SLC35F1: variants seen among roughly 807,000 people sequenced by gnomAD.
The protein encoded by SLC35F1 is solute carrier family 35 member F1.
In SLC35F1, 14 loss-of-function variants were observed where a neutral mutation model predicts 48.7. The ratio of observed to expected loss-of-function variants is 0.29; its 90% CI spans 0.19 to 0.45. SLC35F1 has a LOEUF of 0.45. Ranked by LOEUF, SLC35F1 falls within the 20% of genes least tolerant of loss-of-function variation. The pLI, the probability that SLC35F1 is intolerant of heterozygous loss-of-function variation, is 1.00. For missense variants in SLC35F1, 404 were observed against 500.0 expected (o/e 0.81, Z 1.83); for synonymous variants, 190 against 202.2 (o/e 0.94, Z 0.51).
chr6:118,079,768 T>C lies in SLC35F1; in HGVS notation c.174-74677T>C, dbSNP rs78444155. Among the ~76,000 whole-genome samples, 457 of 152,282 alleles carry C rather than the reference T, an allele frequency of 3.0e-3. 14 individuals are homozygous for C. The East Asian group carries it at 0.068, about 23-fold the overall frequency. ...TGGACAAATGAAAAACTTCCCCTGTTCTGTTATTCCCCCTAACCTCTCTGG... is the reference window on the plus strand; with the variant it reads ...TGGACAAATGAAAAACTTCCCCTGTCCTGTTATTCCCCCTAACCTCTCTGG... On this transcript the variant is annotated intron_variant, in intron 1 of 7. Coordinates refer to ENST00000360388, the MANE Select transcript of SLC35F1 (RefSeq NM_001029858.4).
chr6:118,089,957 G>A (rs1364783096), intron 1 of SLC35F1, among the ~76,000 whole-genome samples: 1 of 152,134 alleles, frequency 6.6e-6, no homozygotes, highest in African/African-American at 2.4e-5. Flanking sequence ...AACAGCAGCT[G>A]GTAATGTCTT....
At chr6:118,140,732 G>C (rs112911697) in intron 1 of SLC35F1, among the ~76,000 whole-genome samples, 2,909 of 152,032 alleles carry the variant, frequency 0.019, 90 homozygotes, top group African/African-American at 0.062. Flanking sequence ...CCTTCCAGTG[G>C]GACAAGATGT....
chr6:118,257,236 A>G (rs1457299366), intron 3 of SLC35F1, among the ~76,000 whole-genome samples: 1 of 152,074 alleles, frequency 6.6e-6, no homozygotes, highest in African/African-American at 2.4e-5. Flanking sequence ...GGAAATAGCT[A>G]AAGTTAATAT....
chr6:118,314,340 C>T lies in SLC35F1; in HGVS notation c.*88C>T. ...TATTGTACATAGAGAAAGGTATTTA[C>T]TAGGTGCAGTTTACACAGGTGGACT... is the stretch of plus-strand genomic sequence containing the variant. On this transcript the variant is annotated 3_prime_UTR_variant, in exon 8 of 8. Coordinates refer to ENST00000360388, the MANE Select transcript of SLC35F1 (RefSeq NM_001029858.4). 1 of 1,216,416 alleles carries T rather than the reference C, an allele frequency of 8.2e-7. No homozygotes were observed. Among genetic ancestry groups the T allele is most frequent in the Non-Finnish European group, 1.2e-6 (1 of 846,258 alleles). 75.4% of individuals were successfully genotyped at this position (1,216,416 alleles called of 1,614,324 possible). A position where few individuals can be genotyped will look rare whatever the true frequency, so the allele number is the denominator to read the frequency against.
At chr6:117,985,877 C>T (rs536456514) in intron 1 of SLC35F1, among the ~76,000 whole-genome samples, 54 of 152,250 alleles carry the variant, frequency 3.5e-4, no homozygotes, top group African/African-American at 1.3e-3. Flanking sequence ...CAGAAAATAT[C>T]GCTAACGTGA....
chr6:117,947,461 T>C (rs1776309699), intron 1 of SLC35F1, among the ~76,000 whole-genome samples: 1 of 152,132 alleles, frequency 6.6e-6, no homozygotes, highest in Admixed American at 6.5e-5. Context: ...AGAAGAAGTG[T>C]AATCTGATTT....
chr6:117,955,413 C>T (rs1051136234), intron 1 of SLC35F1, among the ~76,000 whole-genome samples: 11 of 152,302 alleles, frequency 7.2e-5, no homozygotes, highest in African/African-American at 2.4e-4. Context: ...TGTTTGGAAT[C>T]AAGACTGTCT....
At position 118,246,075 on chromosome 6, in the gene SLC35F1, C is replaced by T. The variant is rs143399253; in HGVS notation, c.477+10439C>T. On this transcript the variant is annotated intron_variant, in intron 3 of 7. Coordinates refer to ENST00000360388, the MANE Select transcript of SLC35F1 (RefSeq NM_001029858.4). ...TCTCCCATCCTCCTTCCAGGGATAC[C>T]GGGCCTGGTTCAGCCTCTAGAGAGA... Among the ~76,000 whole-genome samples, 931 of 152,218 alleles carry T rather than the reference C, an allele frequency of 6.1e-3. 7 individuals carry two copies. The highest frequency in any genetic ancestry group is 0.034 in the Middle Eastern group (10 of 294).
intron 2 of SLC35F1, among the ~76,000 whole-genome samples, chr6:118,205,107 T>G (rs1469972560): frequency 6.6e-6 from 1 of 152,210 alleles, no homozygotes; most frequent in Admixed American, 6.5e-5. Context: ...GATGCAGCTC[T>G]GCCTGCCCTC....
chr6:118,090,139 T>C (rs756491722), intron 1 of SLC35F1, among the ~76,000 whole-genome samples: 9 of 152,230 alleles, frequency 5.9e-5, no homozygotes, highest in Admixed American at 1.3e-4. Context: ...GGGCAACTGC[T>C]AGCATATTTT....
chr6:118,047,383 C>T (rs1772316457), intron 1 of SLC35F1, among the ~76,000 whole-genome samples: 1 of 152,128 alleles, frequency 6.6e-6, no homozygotes, highest in South Asian at 2.1e-4. Context: ...AGGTTTTGAG[C>T]CCTTGAGTGA....
At chr6:118,148,483 G>C (rs528410649) in intron 1 of SLC35F1, among the ~76,000 whole-genome samples, 1 of 146,542 alleles carries the variant, frequency 6.8e-6, no homozygotes, top group East Asian at 2.0e-4. Flanking sequence ...GGTGGTAATG[G>C]TTATGTCAGT....
intron 1 of SLC35F1, among the ~76,000 whole-genome samples, chr6:118,099,078 T>C (rs1773219931): frequency 6.6e-6 from 1 of 152,222 alleles, no homozygotes; most frequent in Non-Finnish European, 1.5e-5. Context: ...GAAGAGATCT[T>C]GCTCATGGGA....
intron 2 of SLC35F1, among the ~76,000 whole-genome samples, chr6:118,157,293 A>G (rs1160551136): frequency 1.3e-5 from 2 of 152,098 alleles, no homozygotes; most frequent in Non-Finnish European, 2.9e-5. Context: ...GAAAAAAAGG[A>G]GAGGTTTTTT....
At chr6:118,079,454 T>C (rs1772873236) in intron 1 of SLC35F1, among the ~76,000 whole-genome samples, 1 of 152,234 alleles carries the variant, frequency 6.6e-6, no homozygotes, top group South Asian at 2.1e-4. Flanking sequence ...TGAATATTGC[T>C]GCTGTGAATA....
In SLC35F1 at chr6:117,961,940, G is replaced by A. The variant is rs558777343; in HGVS notation, c.173+54041G>A. ...CTTGGCTGGAGGAAGATGGTGGTAA[G>A]TTATATCAGAACTCAGTTTATGCAT... On this transcript the variant is annotated intron_variant, in intron 1 of 7. Coordinates refer to ENST00000360388, the MANE Select transcript of SLC35F1 (RefSeq NM_001029858.4). Among the ~76,000 whole-genome samples, 6 of 152,284 alleles carry A rather than the reference G, an allele frequency of 3.9e-5. No individual in the cohort carries two copies. In the East Asian group the frequency reaches 9.6e-4, roughly 24 times the overall value.
At chr6:118,305,827 G>A (rs538228109) in intron 7 of SLC35F1, among the ~76,000 whole-genome samples, 2 of 152,154 alleles carry the variant, frequency 1.3e-5, no homozygotes, top group Non-Finnish European at 2.9e-5. Flanking sequence ...TTCTGTAACT[G>A]GTCACATGGT....
intron 1 of SLC35F1, among the ~76,000 whole-genome samples, chr6:118,079,956 A>G (rs12213071): frequency 0.23 from 35,127 of 152,064 alleles, 4,313 homozygotes; most frequent in East Asian, 0.31. Context: ...GGCATGTAGA[A>G]AAGCATGTCC....
At chr6:118,126,665 G>A (rs2114412682) in intron 1 of SLC35F1, among the ~76,000 whole-genome samples, 1 of 151,438 alleles carries the variant, frequency 6.6e-6, no homozygotes, top group African/African-American at 2.4e-5. Flanking sequence ...CTTGAGCAGT[G>A]GTTTGTAGTT....
Sources: gnomAD v4.1 joint callset for allele counts (sites outside exome capture counted in the v4.1 genomes callset) on GRCh38, gnomAD v4.1.1 for gene constraint, MANE v1.5 for transcripts, NCBI Gene and HGNC (gene_info 2026-07-23, HGNC 2026-07-21) for gene names.